HECW2: variants seen among roughly 807,000 people sequenced by gnomAD.
HECW2 encodes the protein E3 ubiquitin-protein ligase HECW2.
In HECW2, 61 loss-of-function variants were observed where a neutral mutation model predicts 175.2. The ratio of observed to expected loss-of-function variants is 0.35; its 90% CI spans 0.28 to 0.43. The LOEUF (loss-of-function observed/expected upper bound fraction) is 0.43, where lower values mean the gene tolerates loss of function less well. Among genes scored for constraint, HECW2 ranks in the 20% least tolerant of loss-of-function variants. The probability of loss-of-function intolerance (pLI) is 1.00; values close to 1 mark genes in which losing one functional copy is unlikely to be tolerated. For missense variants in HECW2, 1,524 were observed against 2,000.5 expected (o/e 0.76, Z 4.54); for synonymous variants, 671 against 731.0 (o/e 0.92, Z 1.32).
intron 1 of HECW2, among the ~76,000 whole-genome samples, chr2:196,521,833 T>G (rs771852101): frequency 0.14 from 20,147 of 149,092 alleles, 1,356 homozygotes; most frequent in Middle Eastern, 0.23. Flanking sequence ...TATGGCTGCA[T>G]AGTATTCCAT....
At chr2:196,558,505 A>C (rs1171494397) in intron 1 of HECW2, among the ~76,000 whole-genome samples, 2 of 152,268 alleles carry the variant, frequency 1.3e-5, no homozygotes, top group African/African-American at 4.8e-5. Flanking sequence ...TGCATTTCAT[A>C]GCCTTCTTCA....
chr2:196,359,545 T>C (rs16850247), intron 2 of HECW2, among the ~76,000 whole-genome samples: 3,641 of 152,274 alleles, frequency 0.024, 137 homozygotes, highest in African/African-American at 0.083. Context: ...TTTAGCAAAT[T>C]CTAGAACCTG....
At chr2:196,375,416 G>C (rs1201930682) in intron 2 of HECW2, among the ~76,000 whole-genome samples, 1 of 152,166 alleles carries the variant, frequency 6.6e-6, no homozygotes, top group Non-Finnish European at 1.5e-5. Flanking sequence ...ATCATTGTGA[G>C]CATTCATGAT....
chr2:196,562,446 T>C (rs1690035762), intron 1 of HECW2, among the ~76,000 whole-genome samples: 1 of 152,268 alleles, frequency 6.6e-6, no homozygotes, highest in African/African-American at 2.4e-5. Context: ...TAAACTGTTT[T>C]CAATGGCATT....
At chr2:196,553,892 T>C (rs980803103) in intron 1 of HECW2, among the ~76,000 whole-genome samples, 5 of 152,210 alleles carry the variant, frequency 3.3e-5, no homozygotes, top group Non-Finnish European at 7.3e-5. Context: ...CTAGTGTCAC[T>C]TCCACCTAAC....
intron 10 of HECW2, among the ~76,000 whole-genome samples, chr2:196,313,916 C>T (rs1202530115): frequency 6.6e-6 from 1 of 152,060 alleles, no homozygotes; most frequent in African/African-American, 2.4e-5. Context: ...AAAAAACCAG[C>T]CAGGCATGAT....
At chr2:196,497,954 C>T (rs1464303238) in intron 1 of HECW2, among the ~76,000 whole-genome samples, 3 of 152,198 alleles carry the variant, frequency 2.0e-5, no homozygotes, top group African/African-American at 7.2e-5. Flanking sequence ...TTTGTTGAAC[C>T]TAAGCATGAA....
chr2:196,434,764 ACCCTAT>A (rs1553517411), intron 1 of HECW2, among the ~76,000 whole-genome samples: 1 of 152,204 alleles, frequency 6.6e-6, no homozygotes, highest in Non-Finnish European at 1.5e-5. Flanking sequence ...CTCAGGGCAA[ACCCTAT>A]TGGGTCCTGG....
chr2:196,441,667 C>A (rs1197873702), intron 1 of HECW2, among the ~76,000 whole-genome samples: 1 of 152,154 alleles, frequency 6.6e-6, no homozygotes, highest in Admixed American at 6.5e-5. Flanking sequence ...CAAGAGAGAG[C>A]ATTTTCAGTC....
intron 13 of HECW2, among the ~76,000 whole-genome samples, chr2:196,298,319 G>T (rs1423963604): frequency 6.6e-6 from 1 of 151,958 alleles, no homozygotes; most frequent in Non-Finnish European, 1.5e-5. Flanking sequence ...TTAGAGGGCA[G>T]TAGAATAATT....
chr2:196,430,937 A>G (rs1381815470), intron 2 of HECW2, among the ~76,000 whole-genome samples: 1 of 152,196 alleles, frequency 6.6e-6, no homozygotes, highest in Non-Finnish European at 1.5e-5. Flanking sequence ...TACGAAGCTC[A>G]GAGAATATCA....
At chr2:196,278,133 A>AAAAAAAAAAATATATATAT (rs531920307) in intron 15 of HECW2, among the ~76,000 whole-genome samples, 50 of 66,560 alleles carry the variant, frequency 7.5e-4, no homozygotes, top group African/African-American at 1.9e-3. Flanking sequence ...ATAATTAAAA[A>AAAAAAAAAAATATATATAT]ATATATATAT....
chr2:196,572,931 T>C (rs1690436183), intron 1 of HECW2, among the ~76,000 whole-genome samples: 1 of 152,204 alleles, frequency 6.6e-6, no homozygotes, highest in Non-Finnish European at 1.5e-5. Flanking sequence ...GCAACCCAGT[T>C]TATGGTATTC....
intron 2 of HECW2, among the ~76,000 whole-genome samples, chr2:196,392,837 A>G (rs890093077): frequency 1.3e-5 from 2 of 152,278 alleles, no homozygotes; most frequent in East Asian, 3.9e-4. Context: ...AAAAGAGCCC[A>G]CATTGCCAAG....
intron 14 of HECW2, chr2:196,289,704 C>T: frequency 6.6e-6 from 1 of 152,154 alleles, no homozygotes; most frequent in South Asian, 2.1e-4. Context: ...AAGATCCTGT[C>T]TCTTAAAATA....
At chr2:196,440,770 T>A (rs1353989326) in intron 1 of HECW2, among the ~76,000 whole-genome samples, 1 of 152,208 alleles carries the variant, frequency 6.6e-6, no homozygotes, top group Non-Finnish European at 1.5e-5. Flanking sequence ...CAGGTTAATA[T>A]TCACTATATG....
chr2:196,394,942 T>G (rs953807985), intron 2 of HECW2, among the ~76,000 whole-genome samples: 16 of 152,212 alleles, frequency 1.1e-4, no homozygotes, highest in Admixed American at 6.5e-5. Flanking sequence ...CATCAGCAGA[T>G]TCAGTGTCTG....
intron 1 of HECW2, among the ~76,000 whole-genome samples, chr2:196,496,909 G>A (rs1057302721): frequency 6.6e-6 from 1 of 152,018 alleles, no homozygotes; most frequent in African/African-American, 2.4e-5. Flanking sequence ...ACATTAATGA[G>A]TACCTAGCAT....
chr2:196,246,579 A>G (rs1398090752), intron 19 of HECW2, among the ~76,000 whole-genome samples: 1 of 151,686 alleles, frequency 6.6e-6, no homozygotes, highest in Non-Finnish European at 1.5e-5. Flanking sequence ...TTTAGTAGAG[A>G]CGGGGTTTCA....
Sources: allele counts gnomAD v4.1 joint callset (sites outside exome capture counted in the v4.1 genomes callset), GRCh38; gene constraint gnomAD v4.1.1; transcripts MANE v1.5; gene names NCBI Gene and HGNC (gene_info 2026-07-23, HGNC 2026-07-21).